Variants in AP1G2 observed in about 807,000 individuals in gnomAD.
AP1G2 encodes adaptor related protein complex 1 subunit gamma 2.
In AP1G2, 85 loss-of-function variants were observed where a neutral mutation model predicts 95.8. That is an observed-to-expected ratio of 0.89 (90% confidence interval 0.74 to 1.06). The LOEUF is 1.06. Among genes scored for constraint, AP1G2 ranks in the 50% least tolerant of loss-of-function variants. The probability of loss-of-function intolerance (pLI) is 0.00; values close to 1 mark genes in which losing one functional copy is unlikely to be tolerated. For missense variants in AP1G2, 967 were observed against 1,005.8 expected (o/e 0.96, Z 0.52); for synonymous variants, 378 against 400.0 (o/e 0.94, Z 0.66).
chr14:23,559,632 T>C lies in AP1G2; in HGVS notation c.*117A>G. On this transcript the variant is annotated 3_prime_UTR_variant, in exon 22 of 22. Coordinates refer to ENST00000397120, the MANE Select transcript of AP1G2 (RefSeq NM_003917.5). ...TGGGAGAAGGGGGCTGGTCCCCAGT[T>C]TTTGCAGTGCAAAGCCAGAGCGCCA... is the stretch of plus-strand genomic sequence containing the variant. 1.2e-6 allele frequency: 1 copy of C among 858,370 alleles called. No individual in the cohort carries two copies. Among genetic ancestry groups the C allele is most frequent in the Non-Finnish European group, 1.9e-6 (1 of 529,616 alleles). 53.2% of individuals were successfully genotyped at this position (858,370 alleles called of 1,614,324 possible).
chr14:23,562,458 TC>T (rs1595295482), intron 15 of AP1G2, 43 bp from the exon 16 acceptor site: 2 of 1,613,666 alleles, frequency 1.2e-6, no homozygotes, highest in South Asian at 2.2e-5. Flanking sequence ...GCAAGTCCTG[TC>T]CCCCTGACAA....
At chr14:23,563,910 C>A (rs1886401586) in intron 11 of AP1G2, 54 bp from the exon 12 acceptor site, 6 of 1,602,322 alleles carry the variant, frequency 3.7e-6, no homozygotes, top group Non-Finnish European at 3.4e-6. Flanking sequence ...CTGGTCCATG[C>A]CTCAGGCCCT....
intron 2 of AP1G2, 139 bp from the exon 3 acceptor site, chr14:23,566,825 G>A: frequency 7.6e-7 from 1 of 1,317,934 alleles, no homozygotes; most frequent in South Asian, 1.4e-5. Context: ...AAGAGGAGAA[G>A]CTTAGGAAAT....
At chr14:23,562,757 A>AG (rs1491428781) in intron 14 of AP1G2, 164 bp from the exon 15 acceptor site, 1 of 536,400 alleles carries the variant, frequency 1.9e-6, no homozygotes, top group Non-Finnish European at 3.0e-6. Flanking sequence ...AAAAAAAAAA[A>AG]GAGAGAGAGA....
At chr14:23,562,183 G>A (rs1163024084) in intron 16 of AP1G2, 105 bp downstream of exon 16, 2 of 1,592,974 alleles carry the variant, frequency 1.3e-6, no homozygotes, top group East Asian at 4.5e-5. Context: ...AAGAACCTAA[G>A]GGCTAGGGGG....
In AP1G2 at chr14:23,561,398, C is replaced by G; in HGVS notation, c.1891G>C (p.Asp631His). 1.2e-6 allele frequency: 2 copies of G among 1,606,200 alleles called. No homozygotes were observed. The highest frequency in any genetic ancestry group is 1.1e-5 in the South Asian group (1 of 90,420). Residue 631 changes from aspartate (D) to histidine (H), a missense_variant, in exon 19 of 22, where the codon GAT (aspartate) becomes CAT (histidine). Asp to His is a moderately conservative substitution (Grantham distance 81, BLOSUM62 -1). Transcript: ENST00000397120. ...TGCTGGACATCCCCAGAAGCCCCAT[C>G]CAGGAGATCTAGCAGATCCAGGAGC... ...SQLLDLLDLL[D>H]GASGDVQHPP...
intron 8 of AP1G2, 96 bp from the exon 9 acceptor site, chr14:23,564,756 C>G: frequency 9.0e-7 from 1 of 1,112,500 alleles, no homozygotes; most frequent in Admixed American, 2.0e-5. Context: ...AAGCTCACTG[C>G]AGCCTTGACC....
chr14:23,567,592 C>T lies in AP1G2; in HGVS notation c.-6+147G>A, dbSNP rs923897889. The T allele has an allele frequency of 1.6e-6, 2 of 1,251,318 alleles. No homozygotes were observed. The allele number at this position is 1,251,318 out of a possible 1,614,324, so 77.5% of individuals were successfully genotyped here. A position where few individuals can be genotyped will look rare whatever the true frequency, so the allele number is the denominator to read the frequency against. ...CTATTTCTCTCTACCGTTTCCTCCCCCTACCTGGTACCCCATCCCTAGCTC... is the reference window on the plus strand; with the variant it reads ...CTATTTCTCTCTACCGTTTCCTCCCTCTACCTGGTACCCCATCCCTAGCTC... On this transcript the variant is annotated intron_variant, in intron 1 of 21. Transcript: ENST00000397120. This position sits in a 1 kb window ranked among gnomAD's most constrained non-coding sequence, Gnocchi z 5.3.
chr14:23,564,229 T>A, intron 10 of AP1G2, 70 bp from the exon 11 acceptor site: 1 of 1,612,426 alleles, frequency 6.2e-7, no homozygotes, highest in South Asian at 1.1e-5. Context: ...GTCCTGGGTA[T>A]AGGGATAAGA....
Position 23,564,613 on chromosome 14 carries a change from C to T in AP1G2, c.870G>A (p.Leu290=), listed in dbSNP as rs140100553. ...CCATGATGGTGAGTACTGTCTCAAA[C>T]AGGACCGCATTTCCGGCATTTCGGC... The part of the protein sequence containing the change: ...DTSRNAGNAV[L]FETVLTIMDI... The change falls in exon 9 of 22, where the codon CTG becomes CTA. Residue 290 remains leucine, a synonymous_variant. Coordinates refer to ENST00000397120, the MANE Select transcript of AP1G2 (RefSeq NM_003917.5). The T allele has an allele frequency of 1.2e-6, 2 of 1,613,608 alleles. No homozygotes were observed. Among genetic ancestry groups the T allele is most frequent in the Non-Finnish European group, 8.5e-7 (1 of 1,180,024 alleles).
rs748127582 is a variant in AP1G2 at position 23,564,620 on chromosome 14, G to A, written c.863C>T (p.Ala288Val). ...GGTGAGTACTGTCTCAAACAGGACC[G>A]CATTTCCGGCATTTCGGCTGGTGTC... The part of the protein sequence containing the change: ...NTDTSRNAGN[A>V]VLFETVLTIM... The change falls in exon 9 of 22, where the codon GCG becomes GTG. Residue 288 changes from alanine (A) to valine (V), a missense_variant. By Grantham distance (64) the Ala-to-Val change is moderately conservative. Coordinates refer to ENST00000397120, the MANE Select transcript of AP1G2 (RefSeq NM_003917.5). 3.7e-6 allele frequency: 6 copies of A among 1,613,754 alleles called. No homozygotes were observed. Among genetic ancestry groups the A allele is most frequent in the East Asian group, 4.5e-5 (2 of 44,876 alleles).
chr14:23,560,669 C>G (rs1162970706), intron 19 of AP1G2: 1 of 255,890 alleles, frequency 3.9e-6, no homozygotes, highest in Admixed American at 5.4e-5. Flanking sequence ...GAGGCCCGGA[C>G]TTGGGAGGCT....
chr14:23,561,268 A>G (rs779410305), intron 19 of AP1G2, 28 bp downstream of exon 19: 39 of 1,517,644 alleles, frequency 2.6e-5, no homozygotes, highest in Non-Finnish European at 3.3e-5. Context: ...TACCTTCTCT[A>G]AGACATCTTC....
chr14:23,561,417 C>T lies in AP1G2; in HGVS notation c.1872G>A (p.Leu624=), dbSNP rs1395326274. 3 of 1,609,782 alleles carry T rather than the reference C, an allele frequency of 1.9e-6. No homozygotes were observed. The highest frequency in any genetic ancestry group is 2.5e-6 in the Non-Finnish European group (3 of 1,177,092). The change falls in exon 19 of 22, where the codon CTG becomes CTA. Residue 624 remains leucine, a synonymous_variant. Transcript: ENST00000397120. ...CCCCATCCAGGAGATCTAGCAGATC[C>T]AGGAGCTGTGAGGCCTGGCAGAAGG... is the stretch of plus-strand genomic sequence containing the variant. ...VPTEPQASQL[L]DLLDLLDGAS... is the part of the protein sequence containing the mutation.
chr14:23,560,162 C>T, intron 20 of AP1G2, 93 bp downstream of exon 20: 3 of 1,511,618 alleles, frequency 2.0e-6, no homozygotes, highest in Non-Finnish European at 2.7e-6. Flanking sequence ...ATGACTCAAT[C>T]CCATCTCACA....
chr14:23,561,411 C>T lies in AP1G2; in HGVS notation c.1878G>A (p.Leu626=). The T allele has an allele frequency of 6.2e-7, 1 of 1,608,428 alleles. No individual in the cohort carries two copies. Among genetic ancestry groups the T allele is most frequent in the East Asian group, 2.2e-5 (1 of 44,788 alleles). The change falls in exon 19 of 22, where the codon CTG becomes CTA. Residue 626 remains leucine, a synonymous_variant. Transcript: ENST00000397120. ...CAGAAGCCCCATCCAGGAGATCTAG[C>T]AGATCCAGGAGCTGTGAGGCCTGGC... is the stretch of plus-strand genomic sequence containing the variant. ...TEPQASQLLD[L]LDLLDGASGD...
rs59524126 is a variant in AP1G2 at position 23,560,778 on chromosome 14, CAAAAAAAAAAAAA to C, written c.1994-373_1994-361del. The C allele has an allele frequency of 7.5e-4, 12 of 15,908 alleles. No homozygotes were observed. In the South Asian group the frequency reaches 0.028, roughly 37 times the overall value. The allele number at this position is 15,908 out of a possible 1,614,324, so 1.0% of individuals were successfully genotyped here. ...TGGGTGACAGAGCAAGACGCTGTCT[CAAAAAAAAAAAAA>C]AAAAAAAAAAAAAAAAGGCAAGATA... On this transcript the variant is annotated intron_variant, in intron 19 of 21. Transcript: ENST00000397120.
Position 23,566,096 on chromosome 14 carries a change from G to T in AP1G2, c.536C>A (p.Pro179His). Residue 179 changes from proline (P) to histidine (H), a missense_variant, in exon 5 of 22, where the codon CCC becomes CAC. Coordinates refer to ENST00000397120, the MANE Select transcript of AP1G2 (RefSeq NM_003917.5). ...VPELSSVFLP[P>H]CAQLLHERHH... Reference sequence around the variant, plus strand: ...ACGCTCATGAAGCAGTTGGGCACAGGGTGGGAGGAAGACACTGGAGAGTTC... The same window carrying T: ...ACGCTCATGAAGCAGTTGGGCACAGTGTGGGAGGAAGACACTGGAGAGTTC... The T allele has an allele frequency of 6.2e-7, 1 of 1,613,982 alleles. No individual in the cohort carries two copies. Among genetic ancestry groups the T allele is most frequent in the South Asian group, 1.1e-5 (1 of 91,056 alleles).
At chr14:23,566,461 A>C in intron 3 of AP1G2, 42 bp from the exon 4 acceptor site, 1 of 1,608,172 alleles carries the variant, frequency 6.2e-7, no homozygotes. Flanking sequence ...CTCTGAGAAA[A>C]TCAGTCCTTT....
Sources: gnomAD v4.1 joint callset for allele counts on GRCh38, gnomAD v4.1.1 for gene constraint, Gnocchi (gnomAD v3.1) non-coding constraint, MANE v1.5 for transcripts, NCBI Gene and HGNC (gene_info 2026-07-23, HGNC 2026-07-21) for gene names.